USH2A: variants seen among roughly 807,000 people sequenced by gnomAD.
USH2A encodes the protein Usher syndrome 2A (autosomal recessive, mild).
Under a neutral mutation model 538.9 loss-of-function variants are expected in USH2A, and 443 were observed. The observed-to-expected ratio is 0.82, with a 90% CI of 0.76 to 0.89. The LOEUF is 0.89. USH2A is among the 40% of genes least tolerant of loss of function. The pLI is 0.00. For synonymous variants in USH2A, 2,413 were observed against 2,273.5 expected (o/e 1.06, Z -1.75); for missense variants, 6,633 against 6,324.8 (o/e 1.05, Z -1.65).
At chr1:215,757,409 A>G (rs1163142135) in intron 58 of USH2A, among the ~76,000 whole-genome samples, 2 of 152,160 alleles carry the variant, frequency 1.3e-5, no homozygotes, top group African/African-American at 4.8e-5. Flanking sequence ...TGACTGTTCA[A>G]TTCAATAAAA....
chr1:215,971,002 C>T (rs1261547185), intron 35 of USH2A, among the ~76,000 whole-genome samples: 2 of 152,086 alleles, frequency 1.3e-5, no homozygotes, highest in African/African-American at 4.8e-5. Flanking sequence ...AAATAGAACC[C>T]AACAGTTCCA....
At chr1:216,102,797 CT>C (rs1303840713) in intron 21 of USH2A, among the ~76,000 whole-genome samples, 1 of 150,404 alleles carries the variant, frequency 6.6e-6, no homozygotes, top group Non-Finnish European at 1.5e-5. Context: ...GAGATTCCGT[CT>C]CAAAAACAAA....
Position 215,981,818 on chromosome 1 carries a change from A to G in USH2A, c.6806-11042T>C, listed in dbSNP as rs115625749. ...TAATCATTTACCAGATAGCCTCTAT[A>G]AATGTTGTGGTTTCATTCAATGGCA... On this transcript the variant is annotated intron_variant, in intron 35 of 71. Transcript: ENST00000307340. 3.5e-3 allele frequency among the ~76,000 whole-genome samples: 527 copies of G among 152,326 alleles called. 3 individuals are homozygous for G. The highest frequency in any genetic ancestry group is 0.012 in the African/African-American group (490 of 41,574).
At chr1:216,129,117 T>C (rs1348316766) in intron 21 of USH2A, among the ~76,000 whole-genome samples, 2 of 152,148 alleles carry the variant, frequency 1.3e-5, no homozygotes, top group East Asian at 1.9e-4. Context: ...TATTTCATCA[T>C]GAATATGTAC....
At chr1:216,416,488 A>G (rs1006043956) in intron 3 of USH2A, among the ~76,000 whole-genome samples, 1 of 152,174 alleles carries the variant, frequency 6.6e-6, no homozygotes, top group African/African-American at 2.4e-5. Flanking sequence ...ATCGAAAAGG[A>G]CAAGTTTTCT....
intron 21 of USH2A, among the ~76,000 whole-genome samples, chr1:216,159,601 A>G (rs2034014087): frequency 6.6e-6 from 1 of 151,320 alleles, no homozygotes; most frequent in African/African-American, 2.4e-5. Context: ...TTTTGTGATT[A>G]TTATTGACCT....
rs562407133 is a variant in USH2A, at chr1:216,100,183, CT to C, written c.4628-2971del. On this transcript the variant is annotated intron_variant, in intron 21 of 71. Coordinates refer to ENST00000307340, the MANE Select transcript of USH2A (RefSeq NM_206933.4). The stretch of plus-strand genomic sequence containing the variant: ...CTTACGGAGCTGGTAATGACATAAT[CT>C]TTTTCAGTTAAGTAGAATGGACAGA... Among the ~76,000 whole-genome samples the C allele has an allele frequency of 1.4e-4, 22 of 152,254 alleles. No homozygotes were observed. In the East Asian group the frequency reaches 4.3e-3, roughly 29 times the overall value.
intron 3 of USH2A, among the ~76,000 whole-genome samples, chr1:216,368,691 T>C (rs2038644976): frequency 6.6e-6 from 1 of 152,234 alleles, no homozygotes; most frequent in Non-Finnish European, 1.5e-5. Context: ...TCACTATAAA[T>C]GATGATGGTT....
chr1:215,819,743 G>T lies in USH2A; in HGVS notation c.9372-2548C>A, dbSNP rs1274760883. Reference sequence around the variant, plus strand: ...CATGCCATTATAACTTCCCTTTCTTGTGCAACATAACTGTTAAGTGAGACC... The same window carrying T: ...CATGCCATTATAACTTCCCTTTCTTTTGCAACATAACTGTTAAGTGAGACC... On this transcript the variant is annotated intron_variant, in intron 47 of 71. Coordinates refer to ENST00000307340, the MANE Select transcript of USH2A (RefSeq NM_206933.4). Among the ~76,000 whole-genome samples the T allele has an allele frequency of 2.0e-5, 3 of 151,672 alleles. No individual in the cohort carries two copies. The East Asian group carries it at 5.8e-4, about 29-fold the overall frequency.
chr1:215,817,915 C>T (rs112304113), intron 47 of USH2A, among the ~76,000 whole-genome samples: 3,010 of 151,884 alleles, frequency 0.02, 99 homozygotes, highest in African/African-American at 0.069. Context: ...ACAGCAAGGC[C>T]AACCTTTCCT....
chr1:216,237,698 C>T (rs187145996), intron 13 of USH2A, among the ~76,000 whole-genome samples: 132 of 152,248 alleles, frequency 8.7e-4, no homozygotes, highest in African/African-American at 3.0e-3. Context: ...GCAGGCAAAA[C>T]CTTATCACAG....
chr1:216,211,485 T>C (rs149127335), intron 15 of USH2A, among the ~76,000 whole-genome samples: 4 of 152,352 alleles, frequency 2.6e-5, no homozygotes, highest in Admixed American at 6.5e-5. Context: ...TGTTTTATTC[T>C]GCACAGCACT....
In USH2A at chr1:215,624,412, A is replaced by C. The variant is rs1227776940; in HGVS notation, c.*1369T>G. ...AAGTAAGACTATCCCTTACTTTACAAGTTTTTGCCTGTCTCTGGTTGTAGA... is the reference window on the plus strand; with the variant it reads ...AAGTAAGACTATCCCTTACTTTACACGTTTTTGCCTGTCTCTGGTTGTAGA... On this transcript the variant is annotated 3_prime_UTR_variant, in exon 72 of 72. Coordinates refer to ENST00000307340, the MANE Select transcript of USH2A (RefSeq NM_206933.4). 6.6e-6 allele frequency: 1 copy of C among 152,164 alleles called. No homozygotes were observed. The highest frequency in any genetic ancestry group is 2.4e-5 in the African/African-American group (1 of 41,436). 9.4% of individuals were successfully genotyped at this position (152,164 alleles called of 1,614,324 possible).
At chr1:215,695,610 G>A (rs4628479) in intron 61 of USH2A, among the ~76,000 whole-genome samples, 25,474 of 152,160 alleles carry the variant, frequency 0.17, 2,398 homozygotes, top group South Asian at 0.31. Context: ...GATTGGTTTT[G>A]TAAGGAAGAG....
intron 49 of USH2A, among the ~76,000 whole-genome samples, chr1:215,801,601 T>C (rs1470481551): frequency 6.6e-6 from 1 of 152,046 alleles, no homozygotes; most frequent in East Asian, 1.9e-4. Context: ...ACTGAAATAC[T>C]ACAAAATGTT....
intron 21 of USH2A, among the ~76,000 whole-genome samples, chr1:216,106,246 A>G (rs2032729274): frequency 6.8e-6 from 1 of 147,626 alleles, no homozygotes; most frequent in South Asian, 2.1e-4. Context: ...TATTGTATAT[A>G]TATTTTGCCT....
At chr1:215,839,385 G>A (rs1339172258) in intron 46 of USH2A, among the ~76,000 whole-genome samples, 3 of 152,040 alleles carry the variant, frequency 2.0e-5, no homozygotes, top group Non-Finnish European at 4.4e-5. Flanking sequence ...TAATCGTATT[G>A]ATTCCTCATA....
At chr1:215,784,743 T>C (rs1436508441) in intron 52 of USH2A, among the ~76,000 whole-genome samples, 3 of 152,198 alleles carry the variant, frequency 2.0e-5, no homozygotes, top group Non-Finnish European at 4.4e-5. Flanking sequence ...AAAAGAACAG[T>C]TTGTTATTTT....
chr1:215,943,994 T>C (rs551870588), intron 37 of USH2A, among the ~76,000 whole-genome samples: 2 of 152,300 alleles, frequency 1.3e-5, no homozygotes, highest in African/African-American at 4.8e-5. Context: ...GTGGATGTTG[T>C]TTTTCTGTAT....
Sources: allele counts gnomAD v4.1 joint callset (sites outside exome capture counted in the v4.1 genomes callset), GRCh38; gene constraint gnomAD v4.1.1; transcripts MANE v1.5; gene names NCBI Gene and HGNC (gene_info 2026-07-23, HGNC 2026-07-21).